The following TCHP variants were observed in gnomAD, a reference collection of about 807,000 sequenced individuals.
The protein encoded by TCHP is trichoplein keratin filament-binding protein.
A neutral mutation model predicts 88.7 loss-of-function variants in TCHP; 81 were observed. The ratio of observed to expected loss-of-function variants is 0.91; its 90% CI spans 0.76 to 1.10. TCHP has a LOEUF of 1.10. Ranked by LOEUF, TCHP falls within the 50% of genes least tolerant of loss-of-function variation. The pLI is 0.00. For synonymous variants in TCHP, 232 were observed against 232.5 expected, an observed-to-expected ratio of 1.00 and a Z score of 0.02; for missense variants, 641 against 632.1, an observed-to-expected ratio of 1.01 and a Z score of -0.15.
At chr12:109,900,026 C>T (rs1377596345), upstream of TCHP, among the ~76,000 whole-genome samples, 1 of 152,170 alleles carries the variant, frequency 6.6e-6, no homozygotes, top group Non-Finnish European at 1.5e-5. Context: ...TGGTGATTCT[C>T]ACGCGCAGCC....
At chr12:109,886,342 T>C in the TCHP span, among the ~76,000 whole-genome samples, 1 of 152,104 alleles carries the variant, frequency 6.6e-6, no homozygotes, top group Non-Finnish European at 1.5e-5. Flanking sequence ...TTCACCATGT[T>C]GGCCAGGCTG....
chr12:109,902,261 C>G (rs927773639), intron 1 of TCHP, among the ~76,000 whole-genome samples: 1 of 152,128 alleles, frequency 6.6e-6, no homozygotes, highest in Non-Finnish European at 1.5e-5. Context: ...GCCGTGACCT[C>G]CTGGGCTCAA....
intron 1 of TCHP, among the ~76,000 whole-genome samples, chr12:109,902,390 G>A (rs1017359516): frequency 2.0e-5 from 3 of 151,892 alleles, no homozygotes; most frequent in African/African-American, 7.3e-5. Flanking sequence ...CCAACTCCCG[G>A]CCTCAAGTGA....
the TCHP span, among the ~76,000 whole-genome samples, chr12:109,889,030 CAAA>C: frequency 2.2e-4 from 22 of 100,954 alleles, no homozygotes; most frequent in Non-Finnish European, 1.9e-4. Flanking sequence ...GTCCTGTCAC[CAAA>C]AAAAAAAAAA....
At chr12:109,909,739 C>T (rs1409368827) in intron 8 of TCHP, among the ~76,000 whole-genome samples, 2 of 151,928 alleles carry the variant, frequency 1.3e-5, no homozygotes, top group Non-Finnish European at 2.9e-5. Context: ...CTGAGGCGGG[C>T]GGATCACCTG....
chr12:109,913,034 G>A lies in TCHP; in HGVS notation c.1096G>A (p.Ala366Thr), dbSNP rs1417563131. The A allele has an allele frequency of 6.2e-7, 1 of 1,613,826 alleles. No individual in the cohort carries two copies. Among genetic ancestry groups the A allele is most frequent in the African/African-American group, 1.3e-5 (1 of 74,912 alleles). ...EMWEKREAEWARERSARDRLM... is the reference protein window; with the variant it reads ...EMWEKREAEWTRERSARDRLM... ...GTGGGAAAAGAGAGAGGCAGAGTGG[G>A]CCCGAGAGCGCAGCGCACGGGACAG... The change falls in exon 10 of 13, where the codon GCC (alanine) becomes ACC (threonine). Residue 366 changes from alanine (A) to threonine (T), a missense_variant. Physicochemically the swap from Ala to Thr is moderately conservative, Grantham distance 58. Coordinates refer to ENST00000405876, the MANE Select transcript of TCHP (RefSeq NM_001143852.2).
In TCHP at chr12:109,915,444, G is replaced by A; in HGVS notation, c.1362G>A (p.Gln454=). Residue 454 remains glutamine (Q), a synonymous_variant, in exon 12 of 13, where the codon CAG becomes CAA. Transcript: ENST00000405876. ...TGCAGGCATGGGAAGCAGACCAGCA[G>A]GAGGAGGAGGAAGAGGAGGAGGCCC... ...RRLQAWEADQ[Q]EEEEEEEARR... is the part of the protein sequence containing the mutation. 6.2e-7 allele frequency: 1 copy of A among 1,614,104 alleles called. No individual in the cohort carries two copies. The highest frequency in any genetic ancestry group is 8.5e-7 in the Non-Finnish European group (1 of 1,179,970).
At chr12:109,909,098 C>G (rs1224728353) in intron 8 of TCHP, among the ~76,000 whole-genome samples, 161 bp downstream of exon 8, 1 of 152,136 alleles carries the variant, frequency 6.6e-6, no homozygotes, top group Non-Finnish European at 1.5e-5. Context: ...GTTGGGAGAT[C>G]TGGGAGTAGT....
chr12:109,890,571 G>A, the TCHP span, among the ~76,000 whole-genome samples: 15 of 151,152 alleles, frequency 9.9e-5, no homozygotes, highest in South Asian at 2.1e-4. Context: ...GTGCAGTGGC[G>A]TGACCTCGGC....
intron 11 of TCHP, 59 bp downstream of exon 11, chr12:109,914,686 G>A (rs1870699754): frequency 1.4e-6 from 2 of 1,476,370 alleles, no homozygotes; most frequent in South Asian, 1.2e-5. Flanking sequence ...GCATCATCAT[G>A]GGACAGGGTT....
rs191011959 is a variant in TCHP, at chr12:109,911,831, C to G, written c.1052+596C>G. On this transcript the variant is annotated intron_variant, in intron 9 of 12. Coordinates refer to ENST00000405876, the MANE Select transcript of TCHP (RefSeq NM_001143852.2). The stretch of plus-strand genomic sequence containing the variant: ...TTTTTTTTTGAGATAGAGTCTTGCT[C>G]TGTCACCCAGGCTGGAGTGCAGTGG... 9.1e-3 allele frequency among the ~76,000 whole-genome samples: 1,374 copies of G among 151,366 alleles called. 88 individuals are homozygous for G. The highest frequency in any genetic ancestry group is 0.081 in the Admixed American group (1,232 of 15,224).
chr12:109,914,840 G>A, intron 11 of TCHP: 1 of 523,182 alleles, frequency 1.9e-6, no homozygotes, highest in Non-Finnish European at 3.4e-6. Flanking sequence ...GGCCGGTACT[G>A]CTGTCTGTTC....
chr12:109,903,788 C>A lies in TCHP; in HGVS notation c.189-149C>A. ...AAGATTTTCTCTTACACATACTATT[C>A]TGTGACCTGCTGTCTCTGCTTTGGC... On this transcript the variant is annotated intron_variant, in intron 2 of 12. Coordinates refer to ENST00000405876, the MANE Select transcript of TCHP (RefSeq NM_001143852.2). This position sits in a 1 kb window ranked among gnomAD's most constrained non-coding sequence, Gnocchi z 4.6. 1.5e-6 allele frequency: 1 copy of A among 656,828 alleles called. No individual in the cohort carries two copies. The highest frequency in any genetic ancestry group is 2.7e-6 in the Non-Finnish European group (1 of 370,588). 40.7% of individuals were successfully genotyped at this position (656,828 alleles called of 1,614,324 possible). A position where few individuals can be genotyped will look rare whatever the true frequency, so the allele number is the denominator to read the frequency against.
chr12:109,911,473 C>T (rs1002546638), intron 9 of TCHP, among the ~76,000 whole-genome samples: 3 of 151,818 alleles, frequency 2.0e-5, no homozygotes, highest in Non-Finnish European at 4.4e-5. Flanking sequence ...ATTGGCCAGG[C>T]GTGGTTGTTC....
chr12:109,890,246 T>C, the TCHP span, among the ~76,000 whole-genome samples: 8 of 149,792 alleles, frequency 5.3e-5, no homozygotes, highest in South Asian at 2.1e-4. Flanking sequence ...TATCATTAAA[T>C]TGAAGAAACA....
chr12:109,911,866 G>A (rs966277301), intron 9 of TCHP, among the ~76,000 whole-genome samples: 3 of 151,542 alleles, frequency 2.0e-5, no homozygotes, highest in African/African-American at 4.8e-5. Flanking sequence ...GCATGATCTC[G>A]GCTGACTGCA....
intron 11 of TCHP, 117 bp downstream of exon 11, chr12:109,914,744 G>A (rs919805093): frequency 6.3e-6 from 5 of 787,630 alleles, no homozygotes; most frequent in African/African-American, 3.5e-5. Context: ...TTGAGAGCAC[G>A]GTGCTCCCGT....
rs2136081125 is a variant in TCHP at position 109,913,067 on chromosome 12, A to G, written c.1129A>G (p.Ser377Gly). 1.2e-6 allele frequency: 2 copies of G among 1,613,804 alleles called. No individual in the cohort carries two copies. Among genetic ancestry groups the G allele is most frequent in the East Asian group, 2.2e-5 (1 of 44,876 alleles). The change falls in exon 10 of 13, where the codon AGC becomes GGC. Residue 377 changes from serine (S) to glycine (G), a missense_variant. By Grantham distance (56) the Ser-to-Gly change is moderately conservative (BLOSUM62 0). Transcript: ENST00000405876. ...RERSARDRLM[S>G]EVLTGRQQQI... ...GCGCAGCGCACGGGACAGACTGATGAGCGAGGTAATCCCAGCTGCGGCGAT... is the reference window on the plus strand; with the variant it reads ...GCGCAGCGCACGGGACAGACTGATGGGCGAGGTAATCCCAGCTGCGGCGAT...
intron 4 of TCHP, 77 bp downstream of exon 4, chr12:109,904,870 T>C (rs544438046): frequency 7.0e-5 from 95 of 1,352,260 alleles, no homozygotes; most frequent in African/African-American, 6.4e-4. Context: ...TTTGAACACG[T>C]ATCTTGTACC....
Sources: allele counts gnomAD v4.1 joint callset (sites outside exome capture counted in the v4.1 genomes callset), GRCh38; gene constraint gnomAD v4.1.1; non-coding constraint Gnocchi (gnomAD v3.1); transcripts MANE v1.5; gene names NCBI Gene and HGNC (gene_info 2026-07-23, HGNC 2026-07-21).